Variants in ACAD11 observed in about 807,000 individuals in gnomAD.
ACAD11 encodes acyl-CoA dehydrogenase family member 11, also known as acyl-Coenzyme A dehydrogenase family, member 11.
ACAD11 carries 83 observed loss-of-function variants against 102.2 expected under a neutral mutation model. The observed-to-expected ratio is 0.81, with a 90% CI of 0.68 to 0.97. The LOEUF is 0.97. Among genes scored for constraint, ACAD11 ranks in the 50% least tolerant of loss-of-function variants. ACAD11 has a pLI of 0.00. For synonymous variants in ACAD11, 324 were observed against 319.8 expected, an observed-to-expected ratio of 1.01 and a Z score of -0.14; for missense variants, 901 against 951.7, an observed-to-expected ratio of 0.95 and a Z score of 0.70.
At chr3:132,638,684 G>A (rs1440141592) in intron 5 of ACAD11, among the ~76,000 whole-genome samples, 4 of 152,146 alleles carry the variant, frequency 2.6e-5, no homozygotes, top group African/African-American at 9.7e-5. Flanking sequence ...AAATGACACA[G>A]ATCAAATACA....
At chr3:132,578,646 C>T in intron 15 of ACAD11, 150 bp downstream of exon 15, 2 of 697,210 alleles carry the variant, frequency 2.9e-6, no homozygotes, top group Non-Finnish European at 4.6e-6. Context: ...CTACTCTGAA[C>T]TCCACCAGCA....
chr3:132,633,689 G>A (rs1288416392), intron 5 of ACAD11, among the ~76,000 whole-genome samples: 3 of 152,104 alleles, frequency 2.0e-5, no homozygotes, highest in Non-Finnish European at 4.4e-5. Context: ...AAACAGCATG[G>A]TACTGGTACT....
intron 17 of ACAD11, among the ~76,000 whole-genome samples, chr3:132,565,232 G>A (rs1937176414): frequency 6.6e-6 from 1 of 152,158 alleles, no homozygotes; most frequent in Non-Finnish European, 1.5e-5. Context: ...CTGCCAGGAA[G>A]GTATCAGACA....
intron 17 of ACAD11, 141 bp downstream of exon 17, chr3:132,575,631 A>T: frequency 9.7e-7 from 1 of 1,033,990 alleles, no homozygotes; most frequent in Non-Finnish European, 1.4e-6. Context: ...GACTATATTT[A>T]AATACAGACA....
chr3:132,576,055 A>G, intron 16 of ACAD11, 129 bp from the exon 17 acceptor site: 1 of 998,380 alleles, frequency 1.0e-6, no homozygotes, highest in Non-Finnish European at 1.4e-6. Context: ...AAAAAAAGTC[A>G]GTTCTATAAT....
intron 5 of ACAD11, 130 bp from the exon 6 acceptor site, chr3:132,631,609 G>A (rs1940044396): frequency 1.5e-6 from 1 of 656,932 alleles, no homozygotes; most frequent in South Asian, 6.5e-5. Flanking sequence ...TTTACCCACA[G>A]TGGCATATCT....
chr3:132,620,163 AAAAC>A (rs949013007), intron 9 of ACAD11, among the ~76,000 whole-genome samples: 6 of 152,212 alleles, frequency 3.9e-5, no homozygotes, highest in Admixed American at 6.5e-5. Flanking sequence ...TTAAAAAGCA[AAAAC>A]AAACAAACAG....
chr3:132,568,891 G>A (rs1474738253), intron 17 of ACAD11, among the ~76,000 whole-genome samples: 1 of 145,732 alleles, frequency 6.9e-6, no homozygotes, highest in African/African-American at 2.5e-5. Context: ...AATGTAAAAT[G>A]TGAAACTTTT....
chr3:132,588,628 A>G (rs994153089), intron 13 of ACAD11, among the ~76,000 whole-genome samples: 9 of 152,212 alleles, frequency 5.9e-5, no homozygotes, highest in African/African-American at 1.9e-4. Context: ...CAACGGCTTT[A>G]AAACTGTTGC....
chr3:132,570,359 A>C (rs1937338832), intron 17 of ACAD11, among the ~76,000 whole-genome samples: 1 of 152,190 alleles, frequency 6.6e-6, no homozygotes, highest in East Asian at 1.9e-4. Flanking sequence ...ATTGGTGTTT[A>C]CAATGGAGAA....
intron 1 of ACAD11, among the ~76,000 whole-genome samples, chr3:132,657,667 C>T (rs375541929): frequency 1.3e-5 from 2 of 152,070 alleles, no homozygotes; most frequent in South Asian, 4.1e-4. Context: ...ATTTTTGATG[C>T]TCCTGTAAGT....
chr3:132,645,982 CT>C (rs551753446), intron 1 of ACAD11: 27,389 of 138,932 alleles, frequency 0.2, 3,115 homozygotes, highest in East Asian at 0.48. Flanking sequence ...TGCAACGAAT[CT>C]TTTTTTTTTT....
chr3:132,618,851 GTATT>G, intron 10 of ACAD11, 79 bp from the exon 11 acceptor site: 1 of 1,312,886 alleles, frequency 7.6e-7, no homozygotes, highest in Non-Finnish European at 1.0e-6. Context: ...TTAAATATTG[GTATT>G]TATGATCTTT....
At chr3:132,589,006 C>T (rs958752642) in intron 13 of ACAD11, among the ~76,000 whole-genome samples, 5 of 152,030 alleles carry the variant, frequency 3.3e-5, no homozygotes, top group South Asian at 2.1e-4. Context: ...GTCCGAAAGG[C>T]GGTGATTAAG....
In ACAD11 at chr3:132,576,926, T is replaced by C. The variant is rs372111252; in HGVS notation, c.1846+18A>G. 1.1e-5 allele frequency: 18 copies of C among 1,565,938 alleles called. No homozygotes were observed. Among genetic ancestry groups the C allele is most frequent in the Non-Finnish European group, 1.5e-5 (17 of 1,138,124 alleles). On this transcript the variant is annotated intron_variant, in intron 16 of 19. Coordinates refer to ENST00000264990, the MANE Select transcript of ACAD11 (RefSeq NM_032169.5). The stretch of plus-strand genomic sequence containing the variant: ...ATTAATGTACAATACTGAAGAATCA[T>C]TTCCAAATTCAACTCACCTAGTATT...
At chr3:132,579,027 A>G (rs368785872) in intron 14 of ACAD11, 146 bp from the exon 15 acceptor site, 20 of 1,518,908 alleles carry the variant, frequency 1.3e-5, no homozygotes, top group Middle Eastern at 1.7e-4. Flanking sequence ...TAAAAGACGT[A>G]CACCAACATA....
intron 1 of ACAD11, chr3:132,650,342 T>C (rs1033988246): frequency 6.6e-6 from 1 of 152,176 alleles, no homozygotes; most frequent in Admixed American, 6.5e-5. Context: ...GCTAGGGACT[T>C]CCCTAGAAGT....
intron 13 of ACAD11, among the ~76,000 whole-genome samples, chr3:132,586,503 C>T (rs1356535257): frequency 6.6e-6 from 1 of 151,558 alleles, no homozygotes; most frequent in Non-Finnish European, 1.5e-5. Context: ...AAAAAAAAAC[C>T]ACATGCATTA....
intron 13 of ACAD11, chr3:132,600,810 A>T (rs1456086534): frequency 6.2e-7 from 1 of 1,613,926 alleles, no homozygotes; most frequent in African/African-American, 1.3e-5. Flanking sequence ...ATAGACAGAT[A>T]TGTGGCAGTA....
Sources: allele counts gnomAD v4.1 joint callset (sites outside exome capture counted in the v4.1 genomes callset), GRCh38; gene constraint gnomAD v4.1.1; transcripts MANE v1.5; gene names NCBI Gene and HGNC (gene_info 2026-07-23, HGNC 2026-07-21).